CDKN2B-AS1: variants seen among roughly 807,000 people sequenced by gnomAD.
The protein encoded by CDKN2B-AS1 is CDKN2B antisense RNA 1 (non-protein coding).
chr9:22,017,609 C>T (rs1322965405), intron 1 of CDKN2B-AS1, among the ~76,000 whole-genome samples: 3 of 152,170 alleles, frequency 2.0e-5, no homozygotes, highest in African/African-American at 7.2e-5. Flanking sequence ...ATTTTGAAAA[C>T]ATTATGTCAA....
At chr9:22,045,453 G>T (rs1043941849) in intron 1 of CDKN2B-AS1, among the ~76,000 whole-genome samples, 2 of 151,990 alleles carry the variant, frequency 1.3e-5, no homozygotes, top group Admixed American at 6.6e-5. Flanking sequence ...AACCCTTATA[G>T]TTTGCTTTTG....
chr9:22,109,917 A>G (rs1299372551), intron 4 of CDKN2B-AS1, among the ~76,000 whole-genome samples: 2 of 152,014 alleles, frequency 1.3e-5, no homozygotes, highest in Non-Finnish European at 2.9e-5. Flanking sequence ...ATTTGGTCTG[A>G]TAAACACCAA....
At chr9:22,068,517 A>G (rs1824155450) in intron 4 of CDKN2B-AS1, among the ~76,000 whole-genome samples, 1 of 152,176 alleles carries the variant, frequency 6.6e-6, no homozygotes, top group East Asian at 1.9e-4. Context: ...AGTTTGACAG[A>G]GAGCGTGGTT....
intron 4 of CDKN2B-AS1, among the ~76,000 whole-genome samples, chr9:22,078,675 A>G (rs1467705534): frequency 6.6e-6 from 1 of 152,226 alleles, no homozygotes; most frequent in Non-Finnish European, 1.5e-5. Context: ...GTAAGTTTCT[A>G]TGGATTATGT....
chr9:22,017,412 A>C (rs909680162), intron 1 of CDKN2B-AS1, among the ~76,000 whole-genome samples: 1 of 152,218 alleles, frequency 6.6e-6, no homozygotes, highest in Non-Finnish European at 1.5e-5. Context: ...CCCGTTTCAC[A>C]CAAACCCAAC....
chr9:22,094,555 C>T (rs1825209344), intron 4 of CDKN2B-AS1, among the ~76,000 whole-genome samples: 1 of 144,302 alleles, frequency 6.9e-6, no homozygotes, highest in East Asian at 2.0e-4. Flanking sequence ...TGCTTCTTTT[C>T]ATTCATTTGA....
chr9:22,023,257 A>T (rs1023662416), intron 1 of CDKN2B-AS1, among the ~76,000 whole-genome samples: 1 of 152,150 alleles, frequency 6.6e-6, no homozygotes, highest in Non-Finnish European at 1.5e-5. Context: ...TTTTCAGGTA[A>T]ACCAATGAAT....
intron 4 of CDKN2B-AS1, among the ~76,000 whole-genome samples, chr9:22,117,153 C>T (rs1240885771): frequency 6.6e-6 from 1 of 152,152 alleles, no homozygotes. Context: ...CTATAATAAA[C>T]CTTTTAAGAT....
chr9:22,085,127 C>CA (rs909920544), intron 4 of CDKN2B-AS1, among the ~76,000 whole-genome samples: 109 of 152,086 alleles, frequency 7.2e-4, no homozygotes, highest in African/African-American at 2.6e-3. Flanking sequence ...AAATGCATGA[C>CA]AAAAAGAACT....
intron 1 of CDKN2B-AS1, chr9:22,004,183 G>A (rs1821056094): frequency 4.3e-6 from 1 of 232,196 alleles, no homozygotes; most frequent in Non-Finnish European, 8.5e-6. Flanking sequence ...AATAACATAT[G>A]CTCTGATTCT....
intron 1 of CDKN2B-AS1, among the ~76,000 whole-genome samples, chr9:22,027,988 AATCAATATCTTC>A (rs1240803374): frequency 6.6e-6 from 1 of 152,184 alleles, no homozygotes; most frequent in Non-Finnish European, 1.5e-5. Context: ...GCTTTTAAGA[AATCAATATCTTC>A]ATCAATATCT....
intron 4 of CDKN2B-AS1, among the ~76,000 whole-genome samples, chr9:22,061,592 T>G (rs1008188552): frequency 6.6e-6 from 1 of 152,116 alleles, no homozygotes; most frequent in African/African-American, 2.4e-5. Context: ...GCAACTAAAT[T>G]TCATTAGGTA....
chr9:22,072,103 G>A (rs1255471154), intron 4 of CDKN2B-AS1, among the ~76,000 whole-genome samples: 4 of 152,178 alleles, frequency 2.6e-5, no homozygotes, highest in Non-Finnish European at 1.5e-5. Context: ...ATGCCTAAAT[G>A]TCATTGCATT....
chr9:22,125,002 C>G (rs982551607), intron 4 of CDKN2B-AS1, among the ~76,000 whole-genome samples: 9 of 152,218 alleles, frequency 5.9e-5, no homozygotes, highest in African/African-American at 1.7e-4. Flanking sequence ...GACCTAGTTT[C>G]TCTCTCAGTC....
chr9:22,066,568 C>A (rs561193258), intron 4 of CDKN2B-AS1, among the ~76,000 whole-genome samples: 1 of 151,992 alleles, frequency 6.6e-6, no homozygotes, highest in East Asian at 2.0e-4. Context: ...TTCTAAGACC[C>A]AATGGTAACT....
At chr9:22,086,664 T>A (rs1226600563) in intron 4 of CDKN2B-AS1, among the ~76,000 whole-genome samples, 1 of 152,208 alleles carries the variant, frequency 6.6e-6, no homozygotes, top group Non-Finnish European at 1.5e-5. Context: ...ATCTTTCTCC[T>A]GCTCACAGGG....
chr9:22,074,284 G>C (rs1046298281), intron 4 of CDKN2B-AS1, among the ~76,000 whole-genome samples: 7 of 152,148 alleles, frequency 4.6e-5, no homozygotes, highest in Non-Finnish European at 1.5e-5. Context: ...GGTAAAACTA[G>C]TAGTCCCAAA....
chr9:22,001,932 T>G lies in CDKN2B-AS1; in HGVS notation n.29+6771T>G, dbSNP rs764379861. 3.9e-5 allele frequency among the ~76,000 whole-genome samples: 6 copies of G among 152,136 alleles called. No individual in the cohort carries two copies. The highest frequency in any genetic ancestry group is 7.4e-5 in the Non-Finnish European group (5 of 67,942). ...CACTTTTCTTCATTCCCTCTTTCTTTCCTGTCGTTATAAGTAGAATAGGAA... is the reference window on the plus strand; with the variant it reads ...CACTTTTCTTCATTCCCTCTTTCTTGCCTGTCGTTATAAGTAGAATAGGAA... On this transcript the variant is annotated intron_variant and non_coding_transcript_variant, in intron 1 of 4. Coordinates refer to ENST00000650946, the Ensembl canonical transcript of CDKN2B-AS1. This position sits in a 1 kb window ranked among gnomAD's most constrained non-coding sequence, Gnocchi z 4.2.
chr9:22,041,182 T>A (rs903124206), intron 1 of CDKN2B-AS1, among the ~76,000 whole-genome samples: 11 of 152,080 alleles, frequency 7.2e-5, no homozygotes, highest in Admixed American at 2.6e-4. Context: ...TGGTGTCCTT[T>A]AATGCAACAG....
Sources: allele counts gnomAD v4.1 joint callset (sites outside exome capture counted in the v4.1 genomes callset), GRCh38; gene constraint gnomAD v4.1.1; non-coding constraint Gnocchi (gnomAD v3.1); transcripts MANE v1.5; gene names NCBI Gene and HGNC (gene_info 2026-07-23, HGNC 2026-07-21).